TMPRSS11F: variants seen among roughly 807,000 people sequenced by gnomAD.
TMPRSS11F encodes the protein transmembrane protease serine 11F.
Under a neutral mutation model 60.2 loss-of-function variants are expected in TMPRSS11F, and 47 were observed. The observed-to-expected ratio is 0.78, with a 90% confidence interval of 0.62 to 1.00. The LOEUF is 1.00. Among genes scored for constraint, TMPRSS11F ranks in the 50% least tolerant of loss-of-function variants. TMPRSS11F has a pLI of 0.00. For missense variants in TMPRSS11F, 519 were observed against 522.9 expected, an observed-to-expected ratio of 0.99 and a Z score of 0.07; for synonymous variants, 166 against 167.3, an observed-to-expected ratio of 0.99 and a Z score of 0.06.
intron 5 of TMPRSS11F, 108 bp from the exon 6 acceptor site, chr4:68,070,115 T>A: frequency 1.2e-6 from 1 of 826,192 alleles, no homozygotes; most frequent in South Asian, 2.2e-5. Flanking sequence ...AAAGCATACA[T>A]ATTTCAAGAG....
chr4:68,110,281 G>C (rs1237469192), intron 1 of TMPRSS11F, among the ~76,000 whole-genome samples: 2 of 152,116 alleles, frequency 1.3e-5, no homozygotes, highest in East Asian at 3.8e-4. Flanking sequence ...CAGCAATGGA[G>C]AACAAATACA....
chr4:68,097,948 T>C (rs991470377), intron 2 of TMPRSS11F, among the ~76,000 whole-genome samples: 3 of 152,158 alleles, frequency 2.0e-5, no homozygotes, highest in African/African-American at 4.8e-5. Context: ...CTTTCAAATG[T>C]GGTTTATTGC....
At chr4:68,094,331 T>C (rs1405364646) in intron 2 of TMPRSS11F, among the ~76,000 whole-genome samples, 1 of 132,468 alleles carries the variant, frequency 7.5e-6, no homozygotes, top group Non-Finnish European at 1.6e-5. Flanking sequence ...TTCTCACTCA[T>C]AGGTGGGAAT....
intron 1 of TMPRSS11F, among the ~76,000 whole-genome samples, chr4:68,106,817 A>G (rs1724309901): frequency 6.6e-6 from 1 of 152,268 alleles, no homozygotes; most frequent in South Asian, 2.1e-4. Context: ...TGTAAAACAT[A>G]TAAGACATTT....
At chr4:68,095,301 G>A (rs1441087138) in intron 2 of TMPRSS11F, among the ~76,000 whole-genome samples, 2 of 151,928 alleles carry the variant, frequency 1.3e-5, no homozygotes, top group African/African-American at 4.8e-5. Context: ...TATATCCAGA[G>A]AGAACTCTTT....
chr4:68,068,473 G>T (rs1723376306), intron 7 of TMPRSS11F, 145 bp downstream of exon 7: 2 of 641,124 alleles, frequency 3.1e-6, no homozygotes, highest in Non-Finnish European at 2.7e-6. Flanking sequence ...GGGCATAGGG[G>T]AAGCATAATC....
chr4:68,096,507 G>C (rs1016655613), intron 2 of TMPRSS11F, among the ~76,000 whole-genome samples: 2 of 152,102 alleles, frequency 1.3e-5, no homozygotes, highest in Non-Finnish European at 2.9e-5. Flanking sequence ...GTTTTACTGC[G>C]CAGCCTGTGG....
chr4:68,053,785 G>C lies in TMPRSS11F; in HGVS notation c.*124C>G. 1.1e-6 allele frequency: 1 copy of C among 928,810 alleles called. No homozygotes were observed. Among genetic ancestry groups the C allele is most frequent in the Non-Finnish European group, 1.6e-6 (1 of 625,820 alleles). 57.5% of individuals were successfully genotyped at this position (928,810 alleles called of 1,614,324 possible). Reference sequence around the variant, plus strand: ...CCACCTCAGGATATTAGATTTGTCTGGGTCTGAAGGGCTTCTTGACATCTA... The same window carrying C: ...CCACCTCAGGATATTAGATTTGTCTCGGTCTGAAGGGCTTCTTGACATCTA... On this transcript the variant is annotated 3_prime_UTR_variant, in exon 10 of 10. Transcript: ENST00000356291.
At position 68,119,945 on chromosome 4, in the gene TMPRSS11F, G is replaced by C. The variant is rs148557059; in HGVS notation, c.11+9865C>G. ...CCACTAAGAACATCTGTGATTTATG[G>C]AGGGAAGGTCAAAATATCAAAATTA... On this transcript the variant is annotated intron_variant, in intron 1 of 9. Transcript: ENST00000356291. Among the ~76,000 whole-genome samples the C allele has an allele frequency of 2.1e-3, 318 of 152,306 alleles. 3 individuals are homozygous for C. The highest frequency in any genetic ancestry group is 7.1e-3 in the African/African-American group (297 of 41,582).
intron 2 of TMPRSS11F, among the ~76,000 whole-genome samples, chr4:68,097,589 TA>T (rs1225864878): frequency 8.0e-6 from 1 of 125,404 alleles, no homozygotes; most frequent in African/African-American, 2.5e-5. Context: ...TCACAGATTC[TA>T]ACAATTAGGA....
At chr4:68,070,617 C>G (rs1257825221) in intron 5 of TMPRSS11F, among the ~76,000 whole-genome samples, 1 of 152,218 alleles carries the variant, frequency 6.6e-6, no homozygotes, top group Non-Finnish European at 1.5e-5. Flanking sequence ...CACATACAAC[C>G]AGTCCAGAGA....
At chr4:68,065,526 G>T (rs1204716544) in intron 7 of TMPRSS11F, among the ~76,000 whole-genome samples, 2 of 152,092 alleles carry the variant, frequency 1.3e-5, no homozygotes, top group Admixed American at 1.3e-4. Flanking sequence ...TAGACTTTCA[G>T]TTCTCCTTTC....
intron 1 of TMPRSS11F, among the ~76,000 whole-genome samples, chr4:68,121,439 T>C (rs972589558): frequency 3.3e-5 from 5 of 152,200 alleles, no homozygotes; most frequent in African/African-American, 4.8e-5. Context: ...ATGCTATTCC[T>C]AGAAATAATT....
At chr4:68,054,154 A>G in intron 9 of TMPRSS11F, 87 bp from the exon 10 acceptor site, 1 of 1,227,548 alleles carries the variant, frequency 8.1e-7, no homozygotes, top group East Asian at 2.4e-5. Context: ...AGAAAAAAGG[A>G]AATTGGTACA....
chr4:68,108,705 C>A (rs1003564846), intron 1 of TMPRSS11F, among the ~76,000 whole-genome samples: 1 of 152,108 alleles, frequency 6.6e-6, no homozygotes, highest in South Asian at 2.1e-4. Flanking sequence ...AAATAAGGAA[C>A]CAGCATGCCA....
intron 7 of TMPRSS11F, among the ~76,000 whole-genome samples, chr4:68,067,083 A>T (rs1466362816): frequency 6.6e-6 from 1 of 152,006 alleles, no homozygotes; most frequent in African/African-American, 2.4e-5. Context: ...TTTCTCTAGG[A>T]TCATCACTTT....
chr4:68,070,151 C>A (rs75244170), intron 5 of TMPRSS11F, 144 bp from the exon 6 acceptor site: 9,304 of 555,712 alleles, frequency 0.017, 479 homozygotes, highest in African/African-American at 0.13. Flanking sequence ...ATAATCAAGT[C>A]ATATATAAAT....
chr4:68,109,774 T>C (rs372057441), intron 1 of TMPRSS11F, among the ~76,000 whole-genome samples: 1 of 152,166 alleles, frequency 6.6e-6, no homozygotes, highest in Admixed American at 6.5e-5. Flanking sequence ...TGACCCTCCA[T>C]TGGGTTTATT....
chr4:68,098,682 T>C (rs1029150095), intron 2 of TMPRSS11F, among the ~76,000 whole-genome samples: 1 of 152,182 alleles, frequency 6.6e-6, no homozygotes. Flanking sequence ...GATACGTCTA[T>C]CAATGCCATG....
Sources: gnomAD v4.1 joint callset for allele counts (sites outside exome capture counted in the v4.1 genomes callset) on GRCh38, gnomAD v4.1.1 for gene constraint, MANE v1.5 for transcripts, NCBI Gene and HGNC (gene_info 2026-07-23, HGNC 2026-07-21) for gene names.